Variants in FBXO28 observed in about 807,000 individuals in gnomAD.
The protein encoded by FBXO28 is F-box protein 28.
FBXO28 carries 8 observed loss-of-function variants against 38.1 expected under a neutral mutation model. The ratio of observed to expected loss-of-function variants is 0.21; its 90% confidence interval spans 0.12 to 0.38. FBXO28 has a LOEUF of 0.38. Among genes scored for constraint, FBXO28 ranks in the 10% least tolerant of loss-of-function variants. The pLI is 1.00. For synonymous variants in FBXO28, 168 were observed against 173.8 expected (o/e 0.97, Z 0.26); for missense variants, 345 against 460.6 (o/e 0.75, Z 2.30).
intron 3 of FBXO28, among the ~76,000 whole-genome samples, chr1:224,142,409 C>T (rs959896715): frequency 4.0e-5 from 6 of 151,790 alleles, no homozygotes; most frequent in Non-Finnish European, 7.4e-5. Context: ...AATCCCAACA[C>T]CTAGGCCAAG....
At chr1:224,147,070 C>T (rs1657526053) in intron 3 of FBXO28, among the ~76,000 whole-genome samples, 1 of 151,832 alleles carries the variant, frequency 6.6e-6, no homozygotes, top group Non-Finnish European at 1.5e-5. Context: ...TGGATTCAAC[C>T]AACCGTGGAT....
rs1477633780 is a variant in FBXO28 at position 224,140,751 on chromosome 1, C to A, written c.516+6539C>A. 6.6e-5 allele frequency among the ~76,000 whole-genome samples: 10 copies of A among 151,838 alleles called. No homozygotes were observed. The East Asian group carries it at 2.0e-3, about 30-fold the overall frequency. On this transcript the variant is annotated intron_variant, in intron 3 of 4. Transcript: ENST00000366862. ...CCTGAGGTCAAGAGTTCTAGACCAG[C>A]CTAGCCAACATGGTGAAACCCCATC...
At chr1:224,151,417 A>T (rs1484864630) in intron 3 of FBXO28, among the ~76,000 whole-genome samples, 1 of 152,204 alleles carries the variant, frequency 6.6e-6, no homozygotes. Context: ...GATTTTGCTG[A>T]CATTTATTAA....
At chr1:224,129,889 C>T (rs769437086) in intron 1 of FBXO28, among the ~76,000 whole-genome samples, 1 of 152,134 alleles carries the variant, frequency 6.6e-6, no homozygotes, top group Non-Finnish European at 1.5e-5. Context: ...ACTCAGGAGG[C>T]TGAGGCAGGA....
At chr1:224,114,635 G>A (rs1359508200) in intron 1 of FBXO28, among the ~76,000 whole-genome samples, 3 of 83,268 alleles carry the variant, frequency 3.6e-5, no homozygotes, top group Admixed American at 1.4e-4. Context: ...CGCCTTGGGG[G>A]CTCCTTGCCC....
chr1:224,114,730 G>C (rs1656606145), intron 1 of FBXO28, among the ~76,000 whole-genome samples: 1 of 150,678 alleles, frequency 6.6e-6, no homozygotes, highest in Non-Finnish European at 1.5e-5. Context: ...GACCCGGAGA[G>C]GTCATGTCGC....
rs921289835 is a variant in FBXO28 at position 224,114,688 on chromosome 1, G to T, written c.267+292G>T. On this transcript the variant is annotated intron_variant, in intron 1 of 4. Transcript: ENST00000366862. ...CCTCTACGGGAGGGGTAGCGGAGTT[G>T]GTCTTCCCACCTTCCGCCTGGCCCG... is the stretch of plus-strand genomic sequence containing the variant. Among the ~76,000 whole-genome samples the T allele has an allele frequency of 2.0e-5, 3 of 151,574 alleles. 1 individual carries two copies. The highest frequency in any genetic ancestry group is 6.6e-5 in the Admixed American group (1 of 15,210).
At chr1:224,132,543 C>T (rs145663151) in intron 2 of FBXO28, among the ~76,000 whole-genome samples, 1,731 of 152,186 alleles carry the variant, frequency 0.011, 19 homozygotes, top group Middle Eastern at 0.02. Context: ...TGATGGCTCA[C>T]GCCTGTAATG....
At chr1:224,114,454 A>AGGAGAAGGGAGCGCGTTCCCCGG in intron 1 of FBXO28, 58 bp downstream of exon 1, 1 of 1,401,594 alleles carries the variant, frequency 7.1e-7, no homozygotes, top group Non-Finnish European at 9.5e-7. Context: ...CTGGGAGATG[A>AGGAGAAGGGAGCGCGTTCCCCGG]GAAGGGAGCG....
intron 1 of FBXO28, among the ~76,000 whole-genome samples, chr1:224,124,324 C>A (rs1656856664): frequency 1.3e-5 from 2 of 152,180 alleles, no homozygotes; most frequent in African/African-American, 4.8e-5. Flanking sequence ...TATCTTTGTT[C>A]TTCAGTGATT....
chr1:224,157,838 T>G lies in FBXO28; in HGVS notation c.*92T>G. On this transcript the variant is annotated 3_prime_UTR_variant, in exon 5 of 5. Transcript: ENST00000366862. ...GATACTGTGAGCAACATGGTGTCCC[T>G]TAAGCTTCTAGGCTTTCAGAACACA... is the stretch of plus-strand genomic sequence containing the variant. 1 of 1,481,854 alleles carries G rather than the reference T, an allele frequency of 6.7e-7. No homozygotes were observed. Among genetic ancestry groups the G allele is most frequent in the Non-Finnish European group, 8.9e-7 (1 of 1,120,578 alleles). The allele number at this position is 1,481,854 out of a possible 1,614,324, so 91.8% of individuals were successfully genotyped here.
chr1:224,133,003 G>T (rs570508124), intron 2 of FBXO28, among the ~76,000 whole-genome samples: 1 of 152,122 alleles, frequency 6.6e-6, no homozygotes, highest in Non-Finnish European at 1.5e-5. Context: ...ATGTCCATCA[G>T]CTGATGAGCA....
chr1:224,120,322 C>G (rs3767727), intron 1 of FBXO28, among the ~76,000 whole-genome samples: 2 of 152,192 alleles, frequency 1.3e-5, no homozygotes, highest in Non-Finnish European at 2.9e-5. Flanking sequence ...CTGTTTCGCT[C>G]TCCTAGAAAA....
chr1:224,142,351 CAA>C (rs35716896), intron 3 of FBXO28, among the ~76,000 whole-genome samples: 2 of 132,014 alleles, frequency 1.5e-5, no homozygotes. Flanking sequence ...GACTCTGCCT[CAA>C]AAAAAAAAAA....
chr1:224,132,158 C>T (rs934265030), intron 2 of FBXO28, among the ~76,000 whole-genome samples: 1 of 152,070 alleles, frequency 6.6e-6, no homozygotes, highest in Non-Finnish European at 1.5e-5. Context: ...GAGGCTTAGG[C>T]AGGAGAATAA....
intron 3 of FBXO28, among the ~76,000 whole-genome samples, chr1:224,149,930 G>A (rs1016292613): frequency 1.3e-5 from 2 of 152,196 alleles, no homozygotes; most frequent in African/African-American, 4.8e-5. Context: ...ATGTGCAAAA[G>A]CCCTGGGGCA....
chr1:224,141,155 C>A (rs190329899), intron 3 of FBXO28, among the ~76,000 whole-genome samples: 1 of 151,866 alleles, frequency 6.6e-6, no homozygotes, highest in East Asian at 2.0e-4. Flanking sequence ...GCACTCCAGC[C>A]TGGGCAAGAC....
rs796184071 is a variant in FBXO28 at position 224,122,591 on chromosome 1, C to CT, written c.268-7869dup. ...TTTTTTCATTCTTTCATGCCATTGA[C>CT]TTTTTTTTTTTTACAGCCCCCCCCA... On this transcript the variant is annotated intron_variant, in intron 1 of 4. Transcript: ENST00000366862. Among the ~76,000 whole-genome samples the CT allele has an allele frequency of 4.3e-3, 626 of 145,588 alleles. 3 individuals carry two copies. The highest frequency in any genetic ancestry group is 0.012 in the African/African-American group (481 of 40,230).
rs1657687555 is a variant in FBXO28 at position 224,153,177 on chromosome 1, C to A, written c.552C>A (p.Val184=). ...AGATTTATCGTGTGTTGAGATATGT[C>A]AATTCTACCAGAGCCCCTCAACGAG... ...IDEIYRVLRY[V]NSTRAPQRAH... The change falls in exon 4 of 5, where the codon GTC becomes GTA. Residue 184 remains valine, a synonymous_variant. Coordinates refer to ENST00000366862, the MANE Select transcript of FBXO28 (RefSeq NM_015176.4). 1.2e-6 allele frequency: 2 copies of A among 1,607,744 alleles called. No individual in the cohort carries two copies. Among genetic ancestry groups the A allele is most frequent in the Admixed American group, 1.7e-5 (1 of 58,744 alleles).
Sources: gnomAD v4.1 joint callset for allele counts (sites outside exome capture counted in the v4.1 genomes callset) on GRCh38, gnomAD v4.1.1 for gene constraint, MANE v1.5 for transcripts, NCBI Gene and HGNC (gene_info 2026-07-23, HGNC 2026-07-21) for gene names.